MARCHF1: variants seen among roughly 807,000 people sequenced by gnomAD.
MARCHF1 encodes membrane associated ring-CH-type finger 1.
In MARCHF1, 40 loss-of-function variants were observed where a neutral mutation model predicts 54.2. That is an observed-to-expected ratio of 0.74 (90% CI 0.57 to 0.96). The LOEUF (loss-of-function observed/expected upper bound fraction) is 0.96. MARCHF1 is among the 40% of genes least tolerant of loss of function. The probability of loss-of-function intolerance (pLI) is 0.00; values close to 1 mark genes in which losing one functional copy is unlikely to be tolerated. For missense variants in MARCHF1, 586 were observed against 656.5 expected (o/e 0.89, Z 1.17); for synonymous variants, 236 against 236.3 (o/e 1.00, Z 0.01).
intron 4 of MARCHF1, among the ~76,000 whole-genome samples, chr4:163,724,065 G>A (rs1391738201): frequency 2.0e-5 from 3 of 152,158 alleles, no homozygotes; most frequent in African/African-American, 2.4e-5. Context: ...CATTGCTGGC[G>A]AGGAGCTGTG....
At chr4:163,553,573 G>T (rs527625598) in intron 8 of MARCHF1, among the ~76,000 whole-genome samples, 1 of 152,200 alleles carries the variant, frequency 6.6e-6, no homozygotes, top group African/African-American at 2.4e-5. Context: ...ACAGCTAAAA[G>T]ATGGCACAAT....
At chr4:163,671,645 A>G (rs531209839) in intron 5 of MARCHF1, among the ~76,000 whole-genome samples, 1 of 152,196 alleles carries the variant, frequency 6.6e-6, no homozygotes, top group South Asian at 2.1e-4. Flanking sequence ...TCCTTATGCT[A>G]TATTTTCTTA....
chr4:163,994,258 GT>G (rs1447535989), intron 2 of MARCHF1, among the ~76,000 whole-genome samples: 2 of 4,690 alleles, frequency 4.3e-4, no homozygotes, highest in African/African-American at 9.5e-4. Context: ...TAGAGAAAAA[GT>G]GTGTGTGTGT....
intron 1 of MARCHF1, among the ~76,000 whole-genome samples, chr4:164,193,567 G>C (rs1260957423): frequency 6.6e-6 from 1 of 152,218 alleles, no homozygotes; most frequent in South Asian, 2.1e-4. Flanking sequence ...GTTCAATTGA[G>C]TAAATGGAAT....
chr4:164,047,241 GCACTT>G (rs1754261408), intron 2 of MARCHF1, among the ~76,000 whole-genome samples: 1 of 56,616 alleles, frequency 1.8e-5, no homozygotes, highest in Non-Finnish European at 2.9e-5. Flanking sequence ...AAGAAAAAAG[GCACTT>G]CAAGAAAAAA....
intron 1 of MARCHF1, among the ~76,000 whole-genome samples, chr4:164,173,931 C>T (rs545539559): frequency 6.6e-6 from 1 of 152,246 alleles, no homozygotes; most frequent in East Asian, 1.9e-4. Context: ...AAACATGTTT[C>T]CCAATTTTAT....
At chr4:164,111,111 A>G (rs547624285) in intron 2 of MARCHF1, among the ~76,000 whole-genome samples, 28 of 151,998 alleles carry the variant, frequency 1.8e-4, no homozygotes, top group East Asian at 9.6e-4. Flanking sequence ...ATATCTCATC[A>G]TGATGAATAT....
intron 1 of MARCHF1, among the ~76,000 whole-genome samples, chr4:164,135,000 T>A (rs1756372565): frequency 6.6e-6 from 1 of 152,202 alleles, no homozygotes; most frequent in Non-Finnish European, 1.5e-5. Context: ...TTTTATTTTG[T>A]CCTTTGAAGA....
intron 3 of MARCHF1, among the ~76,000 whole-genome samples, chr4:163,943,117 A>C (rs1278269103): frequency 6.6e-6 from 1 of 152,168 alleles, no homozygotes; most frequent in Non-Finnish European, 1.5e-5. Flanking sequence ...CATAGTTTTC[A>C]AAAATTTTTT....
chr4:164,341,231 A>G (rs1729918576), intron 1 of MARCHF1, among the ~76,000 whole-genome samples: 1 of 152,102 alleles, frequency 6.6e-6, no homozygotes, highest in South Asian at 2.1e-4. Flanking sequence ...ACCTCAGCAC[A>G]AGAAATGCCA....
At chr4:163,938,222 A>G (rs1751842291) in intron 3 of MARCHF1, among the ~76,000 whole-genome samples, 2 of 152,206 alleles carry the variant, frequency 1.3e-5, no homozygotes, top group Non-Finnish European at 2.9e-5. Context: ...TGTGAAATAA[A>G]ATGAAGGTAA....
At chr4:163,981,996 GT>G (rs1373127551) in intron 3 of MARCHF1, among the ~76,000 whole-genome samples, 10 of 152,116 alleles carry the variant, frequency 6.6e-5, no homozygotes, top group Admixed American at 5.2e-4. Flanking sequence ...ATTACTAATT[GT>G]TTTCATTTAA....
chr4:163,580,324 C>T (rs910721622), intron 8 of MARCHF1, among the ~76,000 whole-genome samples: 7 of 152,180 alleles, frequency 4.6e-5, no homozygotes, highest in African/African-American at 1.4e-4. Flanking sequence ...GTGATCCGCC[C>T]GCCTCGGCCT....
chr4:164,189,067 A>T (rs1731054471), intron 1 of MARCHF1: 1 of 687,424 alleles, frequency 1.5e-6, no homozygotes, highest in African/African-American at 1.8e-5. Flanking sequence ...CAGAACCTTC[A>T]ATGCGTCTCC....
intron 4 of MARCHF1, among the ~76,000 whole-genome samples, chr4:163,823,904 T>C (rs905017135): frequency 2.6e-5 from 4 of 151,722 alleles, no homozygotes; most frequent in Non-Finnish European, 4.4e-5. Context: ...ATAATAGAAA[T>C]TGAGAAAAAG....
chr4:164,094,680 A>T (rs1755370868), intron 2 of MARCHF1, among the ~76,000 whole-genome samples: 1 of 152,146 alleles, frequency 6.6e-6, no homozygotes, highest in Non-Finnish European at 1.5e-5. Context: ...AGAATATGAA[A>T]CCAAATATTC....
intron 4 of MARCHF1, among the ~76,000 whole-genome samples, chr4:163,758,927 G>C (rs1389702): frequency 6.6e-6 from 1 of 151,946 alleles, no homozygotes; most frequent in East Asian, 1.9e-4. Flanking sequence ...GCAAATAAAA[G>C]GTTTTTAAAT....
chr4:163,996,547 T>C (rs1296487380), intron 2 of MARCHF1, among the ~76,000 whole-genome samples: 2 of 152,062 alleles, frequency 1.3e-5, no homozygotes, highest in African/African-American at 4.8e-5. Flanking sequence ...TATATAAATA[T>C]TGATTTTCAT....
intron 2 of MARCHF1, among the ~76,000 whole-genome samples, chr4:164,035,285 T>A (rs895283484): frequency 2.0e-5 from 3 of 152,080 alleles, no homozygotes; most frequent in Admixed American, 6.6e-5. Context: ...ATACCCATAG[T>A]AACAAAATAA....
Sources: allele counts gnomAD v4.1 joint callset (sites outside exome capture counted in the v4.1 genomes callset), GRCh38; gene constraint gnomAD v4.1.1; transcripts MANE v1.5; gene names NCBI Gene and HGNC (gene_info 2026-07-23, HGNC 2026-07-21).